Variants in PID1 observed in about 807,000 individuals in gnomAD.
PID1 encodes PTB-containing, cubilin and LRP1-interacting protein.
PID1 carries 10 observed loss-of-function variants against 19.1 expected under a neutral mutation model. The observed-to-expected ratio is 0.52, with a 90% CI of 0.32 to 0.89. The LOEUF (loss-of-function observed/expected upper bound fraction) is 0.89. Ranked by LOEUF, PID1 falls within the 40% of genes least tolerant of loss-of-function variation. The pLI, the probability that PID1 is intolerant of heterozygous loss-of-function variation, is 0.03. For synonymous variants in PID1, 130 were observed against 116.0 expected (o/e 1.12, Z -0.78); for missense variants, 248 against 285.3 (o/e 0.87, Z 0.94).
chr2:229,205,931 C>T (rs1379028338), intron 1 of PID1, among the ~76,000 whole-genome samples: 1 of 152,128 alleles, frequency 6.6e-6, no homozygotes, highest in African/African-American at 2.4e-5. Flanking sequence ...CTCTGCCCAT[C>T]ATGAATAGGA....
chr2:229,185,062 CTCCA>C (rs368371618), intron 1 of PID1, among the ~76,000 whole-genome samples: 5,031 of 35,600 alleles, frequency 0.14, 123 homozygotes, highest in African/African-American at 0.23. Flanking sequence ...TATATATATC[CTCCA>C]TATATATATA....
rs1693616974 is a variant in PID1 at position 229,034,368 on chromosome 2, TA to T, written c.178-8261del. 2.6e-5 allele frequency among the ~76,000 whole-genome samples: 4 copies of T among 152,190 alleles called. No individual in the cohort carries two copies. In the South Asian group the frequency reaches 8.3e-4, roughly 31 times the overall value. ...ATCATTAATCCTCATAATAATTCCA[TA>T]AGGTATGTACTAGCTGTTTCTATAG... On this transcript the variant is annotated intron_variant, in intron 2 of 2. Transcript: ENST00000392055.
chr2:229,188,185 G>T (rs2106228295), intron 1 of PID1, among the ~76,000 whole-genome samples: 1 of 152,076 alleles, frequency 6.6e-6, no homozygotes, highest in African/African-American at 2.4e-5. Flanking sequence ...GGCATTAAAA[G>T]AGTTGACTCT....
chr2:229,243,608 A>C (rs1689929924), intron 1 of PID1, among the ~76,000 whole-genome samples: 1 of 152,132 alleles, frequency 6.6e-6, no homozygotes. Flanking sequence ...CTTTAAAAAA[A>C]TTTTCTGTAG....
intron 1 of PID1, among the ~76,000 whole-genome samples, chr2:229,269,121 A>G (rs1690669031): frequency 6.6e-6 from 1 of 150,696 alleles, no homozygotes; most frequent in Non-Finnish European, 1.5e-5. Flanking sequence ...CATGAAGTTG[A>G]GCCCCCTGTT....
intron 1 of PID1, among the ~76,000 whole-genome samples, chr2:229,190,934 A>T (rs1372075904): frequency 1.3e-5 from 2 of 152,212 alleles, no homozygotes; most frequent in African/African-American, 4.8e-5. Context: ...TCTTATGTGT[A>T]AACCACAGAT....
intron 2 of PID1, among the ~76,000 whole-genome samples, chr2:229,107,741 A>T (rs139490268): frequency 4.5e-4 from 68 of 152,280 alleles, no homozygotes; most frequent in African/African-American, 1.5e-3. Flanking sequence ...ATAGTGAGAC[A>T]CCCTCAGCAT....
At chr2:229,111,906 T>C (rs976689990) in intron 2 of PID1, among the ~76,000 whole-genome samples, 1 of 152,180 alleles carries the variant, frequency 6.6e-6, no homozygotes, top group Admixed American at 6.5e-5. Flanking sequence ...ATGCCAGAGA[T>C]AACATTCTAG....
chr2:229,102,091 G>A (rs545889723), intron 2 of PID1, among the ~76,000 whole-genome samples: 10 of 152,166 alleles, frequency 6.6e-5, no homozygotes, highest in Non-Finnish European at 1.5e-4. Flanking sequence ...ACCAAGGGAA[G>A]CAGGGGGCCA....
intron 2 of PID1, among the ~76,000 whole-genome samples, chr2:229,083,117 C>T (rs1694700139): frequency 1.3e-5 from 2 of 152,112 alleles, no homozygotes; most frequent in African/African-American, 4.8e-5. Flanking sequence ...GCGAAAGGCA[C>T]CCAAGAGATT....
chr2:229,215,640 G>T (rs1392995239), intron 1 of PID1, among the ~76,000 whole-genome samples: 1 of 152,144 alleles, frequency 6.6e-6, no homozygotes, highest in South Asian at 2.1e-4. Flanking sequence ...CATGAAAAGG[G>T]TATGTATAGA....
At chr2:229,216,549 T>A (rs1369502013) in intron 1 of PID1, among the ~76,000 whole-genome samples, 1 of 151,744 alleles carries the variant, frequency 6.6e-6, no homozygotes, top group East Asian at 1.9e-4. Flanking sequence ...CAAATTAGAG[T>A]TGGTAGATTA....
intron 2 of PID1, among the ~76,000 whole-genome samples, chr2:229,086,910 T>TAC (rs3083831): frequency 0.1 from 15,268 of 149,664 alleles, 817 homozygotes; most frequent in African/African-American, 0.15. Context: ...CACACGTGTG[T>TAC]ACACACACAC....
intron 1 of PID1, among the ~76,000 whole-genome samples, chr2:229,265,656 GTTC>G (rs1690577633): frequency 1.3e-5 from 2 of 152,166 alleles, no homozygotes; most frequent in Non-Finnish European, 2.9e-5. Flanking sequence ...GTCATTGAGT[GTTC>G]TGGACTAGTT....
At chr2:229,031,502 G>A (rs1325234283) in intron 2 of PID1, among the ~76,000 whole-genome samples, 2 of 151,968 alleles carry the variant, frequency 1.3e-5, no homozygotes, top group Non-Finnish European at 2.9e-5. Flanking sequence ...AGGTTGCAGA[G>A]GGCTATGATT....
At chr2:229,118,885 G>T (rs897057390) in intron 2 of PID1, among the ~76,000 whole-genome samples, 1 of 152,108 alleles carries the variant, frequency 6.6e-6, no homozygotes, top group Non-Finnish European at 1.5e-5. Flanking sequence ...GTATAACTAC[G>T]AAAAGAAATC....
At chr2:229,183,919 A>T in intron 1 of PID1, among the ~76,000 whole-genome samples, 1 of 71,964 alleles carries the variant, frequency 1.4e-5, no homozygotes, top group Non-Finnish European at 2.6e-5. Context: ...TATCCCCTAT[A>T]TATATCCCCT....
In PID1 at chr2:229,167,151, C is replaced by T. The variant is rs530915592; in HGVS notation, c.31-11187G>A. Among the ~76,000 whole-genome samples, 11 of 152,090 alleles carry T rather than the reference C, an allele frequency of 7.2e-5. No individual in the cohort carries two copies. The South Asian group carries it at 1.7e-3, about 23-fold the overall frequency. ...TAAATATAGAAGAAATTATCAAAATCTAAAGTTACCATATTGCAAACACTA... is the reference window on the plus strand; with the variant it reads ...TAAATATAGAAGAAATTATCAAAATTTAAAGTTACCATATTGCAAACACTA... On this transcript the variant is annotated intron_variant, in intron 1 of 2. Coordinates refer to ENST00000392055, the MANE Select transcript of PID1 (RefSeq NM_001100818.2).
chr2:229,147,671 A>G (rs777123943), intron 2 of PID1, among the ~76,000 whole-genome samples: 6 of 152,198 alleles, frequency 3.9e-5, no homozygotes, highest in Non-Finnish European at 7.4e-5. Flanking sequence ...CTGAATAAAA[A>G]TTGTATATTA....
Sources: allele counts gnomAD v4.1 joint callset (sites outside exome capture counted in the v4.1 genomes callset), GRCh38; gene constraint gnomAD v4.1.1; transcripts MANE v1.5; gene names NCBI Gene and HGNC (gene_info 2026-07-23, HGNC 2026-07-21).